SERPINA3: variants seen among roughly 807,000 people sequenced by gnomAD.
The protein encoded by SERPINA3 is serpin family A member 3, also known as alpha-1-antichymotrypsin.
Under a neutral mutation model 26.8 loss-of-function variants are expected in SERPINA3, and 32 were observed. That is an observed-to-expected ratio of 1.20 (90% CI 0.90 to 1.61). The LOEUF (loss-of-function observed/expected upper bound fraction) is 1.61. Ranked by LOEUF, SERPINA3 falls within the 40% of genes most tolerant of loss-of-function variation. SERPINA3 has a pLI of 0.00. For synonymous variants in SERPINA3, 252 were observed against 206.4 expected (o/e 1.22, Z -1.89); for missense variants, 632 against 517.9 (o/e 1.22, Z -2.14).
Position 94,622,510 on chromosome 14 carries a change from G to T in SERPINA3, c.1068+19G>T. ...CTCCCAGGTGAGTCTTTAGACTTGG[G>T]TCAATTCATCCTTTGTATCCGAACT... is the stretch of plus-strand genomic sequence containing the variant. On this transcript the variant is annotated intron_variant, in intron 4 of 4. Coordinates refer to ENST00000393078, the MANE Select transcript of SERPINA3 (RefSeq NM_001085.5). 1 of 1,613,602 alleles carries T rather than the reference G, an allele frequency of 6.2e-7. No homozygotes were observed. The highest frequency in any genetic ancestry group is 1.7e-4 in the Middle Eastern group (1 of 5,984).
At chr14:94,622,752 A>G (rs1886252486) in intron 4 of SERPINA3, 4 of 521,652 alleles carry the variant, frequency 7.7e-6, no homozygotes, top group Non-Finnish European at 1.4e-5. Context: ...TCCACACTAT[A>G]CCATTTACTA....
chr14:94,619,638 C>T, intron 3 of SERPINA3, 170 bp downstream of exon 3: 1 of 759,958 alleles, frequency 1.3e-6, no homozygotes, highest in Non-Finnish European at 2.2e-6. Context: ...TCTTTTTCTT[C>T]TTTAAGACAA....
At chr14:94,618,269 C>A (rs1184757538) in intron 2 of SERPINA3, 1 of 152,132 alleles carries the variant, frequency 6.6e-6, no homozygotes, top group Non-Finnish European at 1.5e-5. Flanking sequence ...TTCTCTTTCT[C>A]TTTACTATGG....
At chr14:94,615,719 T>A (rs1195137001) in intron 2 of SERPINA3, among the ~76,000 whole-genome samples, 1 of 152,200 alleles carries the variant, frequency 6.6e-6, no homozygotes, top group Non-Finnish European at 1.5e-5. Flanking sequence ...GGGAAGAGCC[T>A]CAAGGGTGGG....
intron 2 of SERPINA3, 109 bp downstream of exon 2, chr14:94,615,193 G>A (rs1885948229): frequency 8.3e-7 from 1 of 1,202,312 alleles, no homozygotes; most frequent in Non-Finnish European, 1.2e-6. Context: ...AGTGCCCACA[G>A]CATGGGGGCA....
Position 94,623,868 on chromosome 14 carries a change from A to G in SERPINA3, c.*54A>G, listed in dbSNP as rs45453292. 1,857 of 1,510,510 alleles carry G rather than the reference A, an allele frequency of 1.2e-3. 1 individual carries two copies. Among genetic ancestry groups the G allele is most frequent in the Non-Finnish European group, 1.6e-3 (1,719 of 1,089,212 alleles). The allele number at this position is 1,510,510 out of a possible 1,614,324, so 93.6% of individuals were successfully genotyped here. ...GTAAGGAACTTGGAATGCAAGCTGG[A>G]TGCCTGGGTCTCTGGGCACAGCCTG... On this transcript the variant is annotated 3_prime_UTR_variant, in exon 5 of 5. Transcript: ENST00000393078.
rs111790033 is a variant in SERPINA3, at chr14:94,612,449, T to G, written c.-9+2T>G. On this transcript the variant is annotated splice_donor_variant, in intron 1 of 4. Transcript: ENST00000393078. LOFTEE classifies it low-confidence loss of function (5UTR_SPLICE). Reference sequence around the variant, plus strand: ...GCTACATCCAGCTCCCTGAGGCAGGTAATCCATGATGTTTTACATCCTGGG... The same window carrying G: ...GCTACATCCAGCTCCCTGAGGCAGGGAATCCATGATGTTTTACATCCTGGG... The G allele has an allele frequency of 7.3e-7, 1 of 1,361,514 alleles. No individual in the cohort carries two copies. Among genetic ancestry groups the G allele is most frequent in the Non-Finnish European group, 9.8e-7 (1 of 1,017,984 alleles). The allele number at this position is 1,361,514 out of a possible 1,614,324, so 84.3% of individuals were successfully genotyped here. A position where few individuals can be genotyped will look rare whatever the true frequency, so the allele number is the denominator to read the frequency against.
intron 3 of SERPINA3, among the ~76,000 whole-genome samples, chr14:94,621,363 A>G (rs1886195820): frequency 6.6e-6 from 1 of 151,394 alleles, no homozygotes; most frequent in Non-Finnish European, 1.5e-5. Flanking sequence ...CCTGGCCCAC[A>G]GAGAATGCTC....
chr14:94,616,880 T>C lies in SERPINA3; in HGVS notation c.643+1796T>C, dbSNP rs117339627. ...GTCAGAAGATGTTAAGGAGGCAAAA[T>C]TGGAAAACTTGGTGGCTGGCAGACA... is the stretch of plus-strand genomic sequence containing the variant. On this transcript the variant is annotated intron_variant, in intron 2 of 4. Transcript: ENST00000393078. Among the ~76,000 whole-genome samples the C allele has an allele frequency of 5.6e-3, 845 of 151,866 alleles. 6 individuals are homozygous for C. The highest frequency in any genetic ancestry group is 0.01 in the Non-Finnish European group (702 of 67,962).
chr14:94,619,585 T>C (rs1307004255), intron 3 of SERPINA3, 117 bp downstream of exon 3: 1 of 1,328,568 alleles, frequency 7.5e-7, no homozygotes, highest in Non-Finnish European at 1.1e-6. Flanking sequence ...GAATTTACAC[T>C]TACTTTGCCC....
chr14:94,623,244 G>A (rs1886272420), intron 4 of SERPINA3, among the ~76,000 whole-genome samples: 1 of 152,198 alleles, frequency 6.6e-6, no homozygotes, highest in African/African-American at 2.4e-5. Flanking sequence ...AGAGCTGCCG[G>A]GATGTTGCTT....
At position 94,614,838 on chromosome 14, in the gene SERPINA3, C is replaced by T; in HGVS notation, c.397C>T (p.Leu133=). Residue 133 remains leucine, a synonymous_variant, in exon 2 of 5, where the codon CTG becomes TTG. Coordinates refer to ENST00000393078, the MANE Select transcript of SERPINA3 (RefSeq NM_001085.5). The part of the protein sequence containing the change: ...LRTLNQSSDE[L]QLSMGNAMFV... ...CACCCTCAATCAGTCCAGCGATGAG[C>T]TGCAGCTGAGTATGGGAAATGCCAT... 1.2e-6 allele frequency: 2 copies of T among 1,614,208 alleles called. No homozygotes were observed. Among genetic ancestry groups the T allele is most frequent in the Non-Finnish European group, 1.7e-6 (2 of 1,180,042 alleles).
At chr14:94,618,919 AC>A in intron 2 of SERPINA3, 1 of 530,386 alleles carries the variant, frequency 1.9e-6, no homozygotes, top group South Asian at 2.1e-5. Context: ...CTTTCCCTAA[AC>A]CTTCTTTCTC....
At chr14:94,622,543 G>A (rs745359866) in intron 4 of SERPINA3, 52 bp downstream of exon 4, 4 of 1,597,970 alleles carry the variant, frequency 2.5e-6, no homozygotes, top group Non-Finnish European at 3.4e-6. Context: ...ACTTGAATTG[G>A]TGAAGGCCAG....
Position 94,621,346 on chromosome 14 carries a change from A to G in SERPINA3, c.918-995A>G, listed in dbSNP as rs368524941. 2.0e-4 allele frequency among the ~76,000 whole-genome samples: 31 copies of G among 152,352 alleles called. No homozygotes were observed. The South Asian group carries it at 5.2e-3, about 25-fold the overall frequency. ...CAAAATGCTGAGGAAACATGTGTCC[A>G]CACACTCCTGGCCCACAGAGAATGC... is the stretch of plus-strand genomic sequence containing the variant. On this transcript the variant is annotated intron_variant, in intron 3 of 4. Transcript: ENST00000393078.
At chr14:94,616,138 T>A (rs1446464410) in intron 2 of SERPINA3, among the ~76,000 whole-genome samples, 1 of 152,192 alleles carries the variant, frequency 6.6e-6, no homozygotes, top group Non-Finnish European at 1.5e-5. Flanking sequence ...CGCCTCCTAC[T>A]ACCTAGCCCT....
rs1886119511 is a variant in SERPINA3 at position 94,619,429 on chromosome 14, C to G, written c.878C>G (p.Pro293Arg). The stretch of plus-strand genomic sequence containing the variant: ...GAGGAAGTGGAAGCCATGCTGCTCC[C>G]AGAGACCCTGAAGCGGTGGAGAGAC... ...KMEEVEAMLLPETLKRWRDSL... is the reference protein window; with the variant it reads ...KMEEVEAMLLRETLKRWRDSL... The change falls in exon 3 of 5, where the codon CCA becomes CGA. Residue 293 changes from proline to arginine, a missense_variant. Physicochemically the swap from Pro to Arg is moderately radical, Grantham distance 103. Coordinates refer to ENST00000393078, the MANE Select transcript of SERPINA3 (RefSeq NM_001085.5). The G allele has an allele frequency of 6.2e-7, 1 of 1,614,002 alleles. No homozygotes were observed. Among genetic ancestry groups the G allele is most frequent in the African/African-American group, 1.3e-5 (1 of 74,914 alleles).
At position 94,615,035 on chromosome 14, in the gene SERPINA3, C is replaced by T. The variant is rs1486117712; in HGVS notation, c.594C>T (p.Asp198=). 1.1e-5 allele frequency: 17 copies of T among 1,614,082 alleles called. No individual in the cohort carries two copies. The highest frequency in any genetic ancestry group is 1.4e-5 in the Non-Finnish European group (17 of 1,180,028). Residue 198 remains aspartate (D), a synonymous_variant, in exon 2 of 5, where the codon GAC becomes GAT. Coordinates refer to ENST00000393078, the MANE Select transcript of SERPINA3 (RefSeq NM_001085.5). ...TRGKITDLIK[D]LDSQTMMVLV... ...GGAAAATCACAGATCTGATCAAGGA[C>T]CTTGACTCGCAGACAATGATGGTCC...
chr14:94,622,295 T>A, intron 3 of SERPINA3, 46 bp from the exon 4 acceptor site: 1 of 1,603,778 alleles, frequency 6.2e-7, no homozygotes, highest in Non-Finnish European at 8.5e-7. Flanking sequence ...GGCAGGTAGG[T>A]ACTGATCAGC....
Sources: allele counts gnomAD v4.1 joint callset (sites outside exome capture counted in the v4.1 genomes callset), GRCh38; gene constraint gnomAD v4.1.1; transcripts MANE v1.5; gene names NCBI Gene and HGNC (gene_info 2026-07-23, HGNC 2026-07-21).